The following EIF2B3 variants were observed in gnomAD, a reference collection of about 807,000 sequenced individuals.
EIF2B3 encodes translation initiation factor eIF2B subunit gamma.
Under a neutral mutation model 54.1 loss-of-function variants are expected in EIF2B3, and 20 were observed. The observed-to-expected ratio is 0.37, with a 90% CI of 0.26 to 0.54. EIF2B3 has a LOEUF of 0.54. EIF2B3 is among the 20% of genes least tolerant of loss of function. The probability of loss-of-function intolerance (pLI) is 0.86; values close to 1 mark genes in which losing one functional copy is unlikely to be tolerated. For synonymous variants in EIF2B3, 153 were observed against 188.1 expected (o/e 0.81, Z 1.52); for missense variants, 448 against 547.8 (o/e 0.82, Z 1.82).
chr1:44,900,292 C>T (rs1643254439), intron 5 of EIF2B3, among the ~76,000 whole-genome samples: 1 of 151,832 alleles, frequency 6.6e-6, no homozygotes, highest in African/African-American at 2.4e-5. Flanking sequence ...ACTAACAATA[C>T]AAAAATTAGC....
rs146814877 is a variant in EIF2B3, at chr1:44,974,470, G to A, written c.294+3845C>T. ...GCCTGGACAACAAAGTAAGACCCTG[G>A]TCTAAAAAAAAAAAAAAGAAAAAAA... On this transcript the variant is annotated intron_variant, in intron 3 of 11. Coordinates refer to ENST00000360403, the MANE Select transcript of EIF2B3 (RefSeq NM_020365.5). Among the ~76,000 whole-genome samples, 954 of 145,720 alleles carry A rather than the reference G, an allele frequency of 6.5e-3. 7 individuals are homozygous for A. The highest frequency in any genetic ancestry group is 0.021 in the African/African-American group (815 of 39,244).
At chr1:44,940,229 A>G (rs1293793295) in intron 4 of EIF2B3, among the ~76,000 whole-genome samples, 1 of 152,208 alleles carries the variant, frequency 6.6e-6, no homozygotes. Context: ...TAAGCTATAC[A>G]TAGTCTAATA....
At position 44,984,797 on chromosome 1, in the gene EIF2B3, C is replaced by CTTTTTTTTTTTTTTTT. The variant is rs71040529; in HGVS notation, c.-10+1680_-10+1695dup. Among the ~76,000 whole-genome samples the CTTTTTTTTTTTTTTTT allele has an allele frequency of 3.5e-4, 31 of 88,532 alleles. 4 individuals carry two copies. Among genetic ancestry groups the CTTTTTTTTTTTTTTTT allele is most frequent in the East Asian group, 2.4e-3 (3 of 1,256 alleles). 58.1% of individuals were successfully genotyped at this position (88,532 alleles called of 152,430 possible). ...GTAAAGCAGACAAAATAATGTCCAT[C>CTTTTTTTTTTTTTTTT]TTTTTTTTTTTTTTTTTTTTGAGAC... On this transcript the variant is annotated intron_variant, in intron 1 of 11. Coordinates refer to ENST00000360403, the MANE Select transcript of EIF2B3 (RefSeq NM_020365.5).
intron 3 of EIF2B3, among the ~76,000 whole-genome samples, chr1:44,945,510 C>T (rs1439256055): frequency 6.6e-6 from 1 of 150,654 alleles, no homozygotes; most frequent in Non-Finnish European, 1.5e-5. Context: ...GCCGAGATCG[C>T]GCCACTGCAC....
rs1655406859 is a variant in EIF2B3, at chr1:44,881,695, C to T, written c.701G>A (p.Arg234Lys). 6.2e-7 allele frequency: 1 copy of T among 1,614,146 alleles called. No individual in the cohort carries two copies. ...TGAGGAAGCTGAGGAAAACTGTTTTCTCACTAAATATGGAATCAGTTCACT... is the reference window on the plus strand; with the variant it reads ...TGAGGAAGCTGAGGAAAACTGTTTTTTCACTAAATATGGAATCAGTTCACT... ...IRSELIPYLV[R>K]KQFSSASSQQ... The change falls in exon 7 of 12, where the codon AGA (arginine) becomes AAA (lysine). Residue 234 changes from arginine (R) to lysine (K), a missense_variant. Coordinates refer to ENST00000360403, the MANE Select transcript of EIF2B3 (RefSeq NM_020365.5). The surrounding 1 kb of genome is among the most constrained non-coding windows in gnomAD (Gnocchi z 4.0).
At chr1:44,902,721 G>A (rs1276163188) in intron 5 of EIF2B3, among the ~76,000 whole-genome samples, 1 of 151,224 alleles carries the variant, frequency 6.6e-6, no homozygotes, top group Non-Finnish European at 1.5e-5. Flanking sequence ...CCAGCTACTC[G>A]GGTGTCTCAG....
chr1:44,886,993 CA>C (rs1655609946), intron 6 of EIF2B3, among the ~76,000 whole-genome samples: 2 of 152,210 alleles, frequency 1.3e-5, no homozygotes, highest in South Asian at 4.1e-4. Flanking sequence ...GCTGAGTGAA[CA>C]AGCAAGGTAC....
At chr1:44,902,276 G>A (rs1419206508) in intron 5 of EIF2B3, among the ~76,000 whole-genome samples, 1 of 152,034 alleles carries the variant, frequency 6.6e-6, no homozygotes, top group Non-Finnish European at 1.5e-5. Flanking sequence ...ACATTGTTCT[G>A]GATATTCTGT....
At chr1:44,860,243 G>A (rs1250285485) in intron 10 of EIF2B3, among the ~76,000 whole-genome samples, 1 of 152,018 alleles carries the variant, frequency 6.6e-6, no homozygotes, top group Non-Finnish European at 1.5e-5. Context: ...TCCATCTCTG[G>A]GGCTCAAGTG....
intron 3 of EIF2B3, among the ~76,000 whole-genome samples, chr1:44,971,164 C>A (rs1644395470): frequency 6.6e-6 from 1 of 151,872 alleles, no homozygotes; most frequent in South Asian, 2.1e-4. Context: ...CGGGCGGATC[C>A]CGAAGTAGGA....
chr1:44,893,380 C>G (rs1018947276), intron 6 of EIF2B3, among the ~76,000 whole-genome samples: 1 of 152,098 alleles, frequency 6.6e-6, no homozygotes, highest in African/African-American at 2.4e-5. Flanking sequence ...TGTGACTGCT[C>G]TGTTACTCTT....
chr1:44,881,464 G>A lies in EIF2B3; in HGVS notation c.784+148C>T. The A allele has an allele frequency of 9.2e-7, 1 of 1,086,046 alleles. No individual in the cohort carries two copies. Among genetic ancestry groups the A allele is most frequent in the Non-Finnish European group, 1.4e-6 (1 of 723,286 alleles). The allele number at this position is 1,086,046 out of a possible 1,614,324, so 67.3% of individuals were successfully genotyped here. ...CCTGAGCAAGCTTACCCAGAGCTCAGTGGGTTGGCAAGCCTGTCTTGCCTC... is the reference window on the plus strand; with the variant it reads ...CCTGAGCAAGCTTACCCAGAGCTCAATGGGTTGGCAAGCCTGTCTTGCCTC... On this transcript the variant is annotated intron_variant, in intron 7 of 11. Transcript: ENST00000360403. This position sits in a 1 kb window ranked among gnomAD's most constrained non-coding sequence, Gnocchi z 4.0.
At chr1:44,871,432 A>C (rs2148899668) in intron 10 of EIF2B3, among the ~76,000 whole-genome samples, 1 of 152,324 alleles carries the variant, frequency 6.6e-6, no homozygotes, top group Admixed American at 6.5e-5. Flanking sequence ...TTTTGCTTTA[A>C]GCTCTTAAAT....
chr1:44,983,855 C>T (rs370546273), intron 1 of EIF2B3, among the ~76,000 whole-genome samples: 66 of 151,990 alleles, frequency 4.3e-4, no homozygotes, highest in Admixed American at 1.6e-3. Context: ...TACAGGCATC[C>T]GCCACCATAC....
At chr1:44,946,274 T>C (rs1347037539) in intron 3 of EIF2B3, among the ~76,000 whole-genome samples, 2 of 152,148 alleles carry the variant, frequency 1.3e-5, no homozygotes, top group Admixed American at 6.6e-5. Flanking sequence ...CCTGCCTCTG[T>C]TCCCAGAGAA....
Position 44,857,735 on chromosome 1 carries a change from C to G in EIF2B3, c.1275G>C (p.Leu425Phe). The change falls in exon 11 of 12, where the codon TTG becomes TTC. Residue 425 changes from leucine to phenylalanine, a missense_variant. By Grantham distance (22) the Leu-to-Phe change is conservative. Around this residue, in one of 3 missense-constraint regions of EIF2B3, gnomAD observed 350 missense variants for 414.2 expected, o/e 0.85. Coordinates refer to ENST00000360403, the MANE Select transcript of EIF2B3 (RefSeq NM_020365.5). ...CTTCAATCCTCTGGCCACTTCCAATCAAGCAGTCCTTGATGTCTGCACCCT... is the reference window on the plus strand; with the variant it reads ...CTTCAATCCTCTGGCCACTTCCAATGAAGCAGTCCTTGATGTCTGCACCCT... ...IEKGADIKDCLIGSGQRIEAK... is the reference protein window; with the variant it reads ...IEKGADIKDCFIGSGQRIEAK... 1 of 1,614,182 alleles carries G rather than the reference C, an allele frequency of 6.2e-7. No individual in the cohort carries two copies. Among genetic ancestry groups the G allele is most frequent in the Non-Finnish European group, 8.5e-7 (1 of 1,180,020 alleles).
At chr1:44,938,500 C>G (rs982007304) in intron 4 of EIF2B3, among the ~76,000 whole-genome samples, 1 of 143,712 alleles carries the variant, frequency 7.0e-6, no homozygotes, top group African/African-American at 2.6e-5. Context: ...CTCTCTCTCT[C>G]TGTTTTTTTT....
intron 4 of EIF2B3, among the ~76,000 whole-genome samples, chr1:44,939,119 A>G (rs1643991065): frequency 6.6e-6 from 1 of 151,042 alleles, no homozygotes; most frequent in Non-Finnish European, 1.5e-5. Flanking sequence ...AAAAAAAAAA[A>G]AAAAAAAGAA....
intron 3 of EIF2B3, among the ~76,000 whole-genome samples, chr1:44,970,798 G>T (rs145844856): frequency 2.6e-5 from 4 of 152,208 alleles, no homozygotes; most frequent in Non-Finnish European, 4.4e-5. Context: ...ATTTATTTAC[G>T]TTCTTCCAAC....
Sources: gnomAD v4.1 joint callset for allele counts (sites outside exome capture counted in the v4.1 genomes callset) on GRCh38, gnomAD v4.1.1 for gene constraint, gnomAD v4.1.1 regional missense constraint, Gnocchi (gnomAD v3.1) non-coding constraint, MANE v1.5 for transcripts, NCBI Gene and HGNC (gene_info 2026-07-23, HGNC 2026-07-21) for gene names.